The following EPHA3 variants were observed in gnomAD, a reference collection of about 807,000 sequenced individuals.
EPHA3 encodes the protein ephrin type-A receptor 3.
In EPHA3, 42 loss-of-function variants were observed where a neutral mutation model predicts 107.1. The ratio of observed to expected loss-of-function variants is 0.39; its 90% CI spans 0.31 to 0.51. The LOEUF is 0.51. Among genes scored for constraint, EPHA3 ranks in the 20% least tolerant of loss-of-function variants. The probability of loss-of-function intolerance (pLI) is 0.78; values close to 1 mark genes in which losing one functional copy is unlikely to be tolerated. For synonymous variants in EPHA3, 461 were observed against 424.8 expected (o/e 1.09, Z -1.05); for missense variants, 1,183 against 1,211.2 (o/e 0.98, Z 0.35).
intron 2 of EPHA3, among the ~76,000 whole-genome samples, chr3:89,158,266 C>T (rs1463852037): frequency 6.6e-6 from 1 of 152,036 alleles, no homozygotes; most frequent in African/African-American, 2.4e-5. Context: ...TTAGATGCGT[C>T]TTTAAAAGTA....
At chr3:89,132,172 G>A (rs1704220356) in intron 2 of EPHA3, among the ~76,000 whole-genome samples, 1 of 152,182 alleles carries the variant, frequency 6.6e-6, no homozygotes, top group South Asian at 2.1e-4. Flanking sequence ...CTCTGGGTCT[G>A]CAGCAGCTGC....
At chr3:89,221,620 T>A (rs1281586050) in intron 3 of EPHA3, among the ~76,000 whole-genome samples, 1 of 152,210 alleles carries the variant, frequency 6.6e-6, no homozygotes, top group African/African-American at 2.4e-5. Flanking sequence ...ATTTATTGAT[T>A]GCCTACTATG....
chr3:89,248,182 G>T (rs1038244858), intron 3 of EPHA3, among the ~76,000 whole-genome samples: 2 of 152,038 alleles, frequency 1.3e-5, no homozygotes, highest in Admixed American at 1.3e-4. Flanking sequence ...TTTTCACCAT[G>T]AAATCCATGC....
At chr3:89,223,590 C>T (rs992705052) in intron 3 of EPHA3, among the ~76,000 whole-genome samples, 1 of 152,140 alleles carries the variant, frequency 6.6e-6, no homozygotes, top group African/African-American at 2.4e-5. Context: ...GAGATTTACC[C>T]AGCAGGGTTG....
At chr3:89,162,540 T>C (rs573834805) in intron 2 of EPHA3, among the ~76,000 whole-genome samples, 1 of 152,266 alleles carries the variant, frequency 6.6e-6, no homozygotes, top group East Asian at 1.9e-4. Context: ...TCTCTCCTTC[T>C]CCTCAATTGT....
chr3:89,208,655 A>T (rs777611861), intron 2 of EPHA3, among the ~76,000 whole-genome samples: 1 of 152,024 alleles, frequency 6.6e-6, no homozygotes, highest in Non-Finnish European at 1.5e-5. Context: ...ACAAGAAAAG[A>T]ATAAAGGACA....
At chr3:89,144,633 T>C (rs530204755) in intron 2 of EPHA3, among the ~76,000 whole-genome samples, 1 of 151,930 alleles carries the variant, frequency 6.6e-6, no homozygotes, top group South Asian at 2.1e-4. Context: ...GTGCATTTCT[T>C]TTACATTTCT....
intron 7 of EPHA3, among the ~76,000 whole-genome samples, chr3:89,406,862 G>T (rs910263437): frequency 2.6e-5 from 4 of 152,110 alleles, no homozygotes; most frequent in African/African-American, 4.8e-5. Context: ...GTTAAAACAA[G>T]CTTAATTAGA....
chr3:89,128,774 G>A (rs1366707781), intron 2 of EPHA3, among the ~76,000 whole-genome samples: 1 of 151,352 alleles, frequency 6.6e-6, no homozygotes, highest in African/African-American at 2.4e-5. Context: ...TTTAAAACAA[G>A]AAATCATCTT....
intron 3 of EPHA3, among the ~76,000 whole-genome samples, chr3:89,255,808 G>A (rs1256217335): frequency 2.0e-5 from 3 of 152,090 alleles, no homozygotes; most frequent in Non-Finnish European, 4.4e-5. Flanking sequence ...GGCTAAGATA[G>A]GAGAATCGCT....
chr3:89,419,078 T>C (rs1709304750), intron 10 of EPHA3, 127 bp from the exon 11 acceptor site: 2 of 902,498 alleles, frequency 2.2e-6, no homozygotes, highest in Admixed American at 5.5e-5. Flanking sequence ...AGTACTAGAG[T>C]GTACATCTTG....
intron 5 of EPHA3, among the ~76,000 whole-genome samples, chr3:89,353,840 G>T (rs1242437191): frequency 6.6e-6 from 1 of 151,302 alleles, no homozygotes. Context: ...AAGACAGTTG[G>T]AGAGCTTCAT....
chr3:89,445,320 T>G (rs1465158836), intron 13 of EPHA3, among the ~76,000 whole-genome samples: 1 of 151,958 alleles, frequency 6.6e-6, no homozygotes, highest in East Asian at 1.9e-4. Context: ...AAAGAAAGAG[T>G]TTAAATTAGC....
intron 2 of EPHA3, among the ~76,000 whole-genome samples, chr3:89,209,600 T>A (rs539712100): frequency 7.2e-4 from 110 of 152,304 alleles, no homozygotes; most frequent in Admixed American, 5.9e-4. Context: ...CCTGGAATGT[T>A]TGATTAGGCT....
chr3:89,112,289 A>T (rs1167636784), intron 1 of EPHA3, among the ~76,000 whole-genome samples: 1 of 152,032 alleles, frequency 6.6e-6, no homozygotes, highest in African/African-American at 2.4e-5. Context: ...TTTTTGGTAA[A>T]GTTTTTCATT....
chr3:89,434,239 A>C (rs1268728311), intron 13 of EPHA3, among the ~76,000 whole-genome samples: 6 of 152,076 alleles, frequency 3.9e-5, no homozygotes, highest in African/African-American at 1.4e-4. Flanking sequence ...AATTTTTGAG[A>C]CAGAGCCTCA....
intron 2 of EPHA3, among the ~76,000 whole-genome samples, chr3:89,127,685 A>G (rs1383847853): frequency 6.6e-6 from 1 of 151,988 alleles, no homozygotes; most frequent in Non-Finnish European, 1.5e-5. Flanking sequence ...CTGCTCTTCC[A>G]AGTAGTTAGA....
intron 5 of EPHA3, among the ~76,000 whole-genome samples, chr3:89,355,146 C>T (rs1414490195): frequency 6.6e-6 from 1 of 150,562 alleles, no homozygotes; most frequent in Non-Finnish European, 1.5e-5. Flanking sequence ...TCTCTGGTCA[C>T]AAGTTTTTCC....
chr3:89,469,931 T>G (rs1224874114), intron 15 of EPHA3, among the ~76,000 whole-genome samples: 2 of 152,132 alleles, frequency 1.3e-5, no homozygotes, highest in African/African-American at 4.8e-5. Context: ...AGACTAATCT[T>G]TCATTTCAAG....
Sources: gnomAD v4.1 joint callset for allele counts (sites outside exome capture counted in the v4.1 genomes callset) on GRCh38, gnomAD v4.1.1 for gene constraint, MANE v1.5 for transcripts, NCBI Gene and HGNC (gene_info 2026-07-23, HGNC 2026-07-21) for gene names.